The following BBS5 variants were observed in gnomAD, a reference collection of about 807,000 sequenced individuals.
The protein encoded by BBS5 is BBSome complex member BBS5.
Under a neutral mutation model 50.2 loss-of-function variants are expected in BBS5, and 39 were observed. The observed-to-expected ratio is 0.78, with a 90% CI of 0.60 to 1.01. BBS5 has a LOEUF of 1.01. Among genes scored for constraint, BBS5 ranks in the 50% least tolerant of loss-of-function variants. The pLI, the probability that BBS5 is intolerant of heterozygous loss-of-function variation, is 0.00. For missense variants in BBS5, 356 were observed against 401.5 expected (o/e 0.89, Z 0.97); for synonymous variants, 134 against 133.1 (o/e 1.01, Z -0.05).
intron 5 of BBS5, among the ~76,000 whole-genome samples, chr2:169,490,962 A>G (rs1359513071): frequency 6.6e-6 from 1 of 152,170 alleles, no homozygotes; most frequent in Non-Finnish European, 1.5e-5. Flanking sequence ...TTCAAGGTCC[A>G]TTCATGTTGT....
At chr2:169,496,683 A>C (rs1442484315) in intron 7 of BBS5, among the ~76,000 whole-genome samples, 1 of 151,736 alleles carries the variant, frequency 6.6e-6, no homozygotes, top group Non-Finnish European at 1.5e-5. Context: ...TCCCGGCTAA[A>C]ACGGTGAAAC....
intron 2 of BBS5, among the ~76,000 whole-genome samples, chr2:169,483,898 T>C (rs1035988339): frequency 6.6e-6 from 1 of 152,206 alleles, no homozygotes; most frequent in African/African-American, 2.4e-5. Context: ...AAGATGGCTG[T>C]ATCTTGACGA....
chr2:169,487,317 CT>C (rs1247572477), intron 3 of BBS5, among the ~76,000 whole-genome samples, 183 bp downstream of exon 3: 3 of 152,180 alleles, frequency 2.0e-5, no homozygotes, highest in African/African-American at 7.2e-5. Context: ...CATTTTGTGT[CT>C]TGGACATATA....
chr2:169,487,785 T>G (rs759912964), intron 3 of BBS5, 21 bp from the exon 4 acceptor site: 1 of 1,582,706 alleles, frequency 6.3e-7, no homozygotes, highest in Non-Finnish European at 8.7e-7. Flanking sequence ...GCTCTTTACA[T>G]TCTTTGCTTT....
chr2:169,494,506 C>T (rs370230402), intron 7 of BBS5, among the ~76,000 whole-genome samples: 6 of 151,274 alleles, frequency 4.0e-5, no homozygotes, highest in African/African-American at 1.5e-4. Context: ...TGCTTGAGGT[C>T]AGGAGTTCGA....
intron 9 of BBS5, among the ~76,000 whole-genome samples, chr2:169,502,160 A>G (rs1683818010): frequency 6.6e-6 from 1 of 152,208 alleles, no homozygotes; most frequent in South Asian, 2.1e-4. Flanking sequence ...CAAAACTAGC[A>G]CACGATAGGC....
intron 5 of BBS5, among the ~76,000 whole-genome samples, chr2:169,489,851 CTTTTTTTTTTT>C (rs71003093): frequency 8.8e-4 from 58 of 65,806 alleles, no homozygotes; most frequent in African/African-American, 3.1e-3. Flanking sequence ...CATAAATTTC[CTTTTTTTTTTT>C]TTTTTTTTTT....
rs115562816 is a variant in BBS5 at position 169,500,651 on chromosome 2, A to T, written c.816+1031A>T. 8.7e-3 allele frequency among the ~76,000 whole-genome samples: 1,331 copies of T among 152,316 alleles called. 25 individuals carry two copies. Among genetic ancestry groups the T allele is most frequent in the African/African-American group, 0.03 (1,256 of 41,570 alleles). On this transcript the variant is annotated intron_variant, in intron 9 of 11. Coordinates refer to ENST00000295240, the MANE Select transcript of BBS5 (RefSeq NM_152384.3). ...TCTTCTTCTGCTCTTGGACTACAGCATGTGACTTTAGTGAGGCCCTTGTTG... is the reference window on the plus strand; with the variant it reads ...TCTTCTTCTGCTCTTGGACTACAGCTTGTGACTTTAGTGAGGCCCTTGTTG...
At chr2:169,480,404 T>G (rs1312188710) in intron 1 of BBS5, among the ~76,000 whole-genome samples, 3 of 152,098 alleles carry the variant, frequency 2.0e-5, no homozygotes, top group African/African-American at 4.8e-5. Context: ...TAGCTACTTC[T>G]TATCGTTCCT....
intron 7 of BBS5, among the ~76,000 whole-genome samples, chr2:169,495,940 G>T (rs1683684759): frequency 6.6e-6 from 1 of 152,182 alleles, no homozygotes; most frequent in African/African-American, 2.4e-5. Flanking sequence ...CCCGCCCCTG[G>T]TCAGTGTTCT....
At position 169,504,989 on chromosome 2, in the gene BBS5, C is replaced by T. The variant is rs907708608; in HGVS notation, c.*407C>T. 94 of 1,612,142 alleles carry T rather than the reference C, an allele frequency of 5.8e-5. No individual in the cohort carries two copies. Among genetic ancestry groups the T allele is most frequent in the Non-Finnish European group, 7.0e-5 (82 of 1,179,702 alleles). Reference sequence around the variant, plus strand: ...CTTTTTCAAGGGAGCTGATAAAGAACTTCTTCCCAAAATGGCCGAAGCTGG... The same window carrying T: ...CTTTTTCAAGGGAGCTGATAAAGAATTTCTTCCCAAAATGGCCGAAGCTGG... On this transcript the variant is annotated 3_prime_UTR_variant, in exon 12 of 12. Transcript: ENST00000295240.
chr2:169,494,902 G>T (rs372923975), intron 7 of BBS5, among the ~76,000 whole-genome samples: 31 of 152,184 alleles, frequency 2.0e-4, no homozygotes, highest in African/African-American at 7.2e-4. Flanking sequence ...GGAAAATACC[G>T]TTTTTAAGGA....
At chr2:169,480,371 T>C (rs1559120287) in intron 1 of BBS5, among the ~76,000 whole-genome samples, 1 of 152,184 alleles carries the variant, frequency 6.6e-6, no homozygotes, top group Admixed American at 6.5e-5. Flanking sequence ...CTAAGATTCC[T>C]GGATTAATGG....
At chr2:169,490,782 T>A (rs1683583105) in intron 5 of BBS5, among the ~76,000 whole-genome samples, 1 of 152,118 alleles carries the variant, frequency 6.6e-6, no homozygotes, top group Admixed American at 6.6e-5. Flanking sequence ...ACTCCCAAAA[T>A]AAATCCCTTA....
intron 9 of BBS5, among the ~76,000 whole-genome samples, chr2:169,502,492 A>G (rs1211927821): frequency 1.3e-5 from 2 of 152,188 alleles, no homozygotes; most frequent in African/African-American, 4.8e-5. Context: ...CTTTTGGTTC[A>G]ACATAATATT....
chr2:169,479,596 T>G lies in BBS5; in HGVS notation c.43T>G (p.Phe15Val). Reference protein sequence around the residue: ...DALWEDRDVRFDLSAQQMKTR... With the variant: ...DALWEDRDVRVDLSAQQMKTR... ...GCTTTGGGAGGATCGGGATGTCCGT[T>G]TCGACCTGTCCGCGCAGTGAGTTTC... Residue 15 changes from phenylalanine to valine, a missense_variant, in exon 1 of 12, where the codon TTC (phenylalanine) becomes GTC (valine). Transcript: ENST00000295240. The G allele has an allele frequency of 6.2e-7, 1 of 1,614,146 alleles. No individual in the cohort carries two copies.
At chr2:169,504,148 GC>G (rs1361311909) in intron 10 of BBS5, among the ~76,000 whole-genome samples, 154 bp from the exon 11 acceptor site, 7 of 152,056 alleles carry the variant, frequency 4.6e-5, no homozygotes, top group Non-Finnish European at 8.8e-5. Flanking sequence ...TCTGCTACCA[GC>G]ATTGTAGAGA....
chr2:169,486,051 A>G (rs561938855), intron 2 of BBS5, among the ~76,000 whole-genome samples: 1 of 152,358 alleles, frequency 6.6e-6, no homozygotes, highest in Non-Finnish European at 1.5e-5. Context: ...TTTACACTCC[A>G]GCCATGCTGG....
intron 1 of BBS5, among the ~76,000 whole-genome samples, chr2:169,480,839 G>A (rs1320518120): frequency 2.0e-5 from 3 of 151,712 alleles, no homozygotes; most frequent in East Asian, 1.9e-4. Context: ...GCACCAACAC[G>A]CCTGGCTAAT....
Sources: gnomAD v4.1 joint callset for allele counts (sites outside exome capture counted in the v4.1 genomes callset) on GRCh38, gnomAD v4.1.1 for gene constraint, MANE v1.5 for transcripts, NCBI Gene and HGNC (gene_info 2026-07-23, HGNC 2026-07-21) for gene names.